The following EDAR variants were observed in gnomAD, a reference collection of about 807,000 sequenced individuals.
The protein encoded by EDAR is tumor necrosis factor receptor superfamily member EDAR.
In EDAR, 38 loss-of-function variants were observed where a neutral mutation model predicts 51.3. That is an observed-to-expected ratio of 0.74 (90% CI 0.57 to 0.97). The LOEUF (loss-of-function observed/expected upper bound fraction) is 0.97, where lower values mean the gene tolerates loss of function less well. EDAR is among the 50% of genes least tolerant of loss of function. The probability of loss-of-function intolerance (pLI) is 0.00; values close to 1 mark genes in which losing one functional copy is unlikely to be tolerated. For missense variants in EDAR, 528 were observed against 595.0 expected (o/e 0.89, Z 1.17); for synonymous variants, 227 against 242.1 (o/e 0.94, Z 0.58).
At chr2:108,963,282 C>A (rs260690) in intron 1 of EDAR, among the ~76,000 whole-genome samples, 111,102 of 152,108 alleles carry the variant, frequency 0.73, 45,438 homozygotes, top group Non-Finnish European at 0.94. Flanking sequence ...ACGCACTACA[C>A]ACTGTTAAAC....
intron 1 of EDAR, among the ~76,000 whole-genome samples, chr2:108,988,074 G>A (rs185961884): frequency 2.1e-4 from 32 of 152,302 alleles, no homozygotes; most frequent in Admixed American, 2.0e-3. Flanking sequence ...TGGTGCTCCT[G>A]TCTCTCCGTA....
intron 11 of EDAR, 80 bp downstream of exon 11, chr2:108,906,228 A>G: frequency 6.8e-7 from 1 of 1,474,962 alleles, no homozygotes; most frequent in Admixed American, 1.7e-5. Flanking sequence ...TTCCCCTCAC[A>G]GGAGCCTCAG....
At chr2:108,920,394 C>T (rs188550969) in intron 5 of EDAR, among the ~76,000 whole-genome samples, 93 of 152,310 alleles carry the variant, frequency 6.1e-4, no homozygotes, top group African/African-American at 2.2e-3. Context: ...ACCTCCCTGC[C>T]CCCACTGTCA....
chr2:108,921,377 G>A (rs896669003), intron 5 of EDAR, among the ~76,000 whole-genome samples: 1 of 152,178 alleles, frequency 6.6e-6, no homozygotes, highest in African/African-American at 2.4e-5. Context: ...ACGGTGGTTT[G>A]CGTAATCCAC....
intron 1 of EDAR, among the ~76,000 whole-genome samples, chr2:108,956,478 G>A (rs1014499333): frequency 6.6e-6 from 1 of 152,200 alleles, no homozygotes; most frequent in Non-Finnish European, 1.5e-5. Flanking sequence ...AGTCTCTCAC[G>A]TCAGCAGGTT....
chr2:108,934,709 G>A (rs574442971), intron 1 of EDAR, among the ~76,000 whole-genome samples: 27 of 152,240 alleles, frequency 1.8e-4, no homozygotes, highest in Non-Finnish European at 4.0e-4. Flanking sequence ...GTTATAACCA[G>A]CCCACTCTCG....
chr2:108,973,446 C>G (rs935634740), intron 1 of EDAR, among the ~76,000 whole-genome samples: 11 of 152,222 alleles, frequency 7.2e-5, no homozygotes, highest in African/African-American at 2.7e-4. Context: ...TGCTGGCTGC[C>G]TCCTGCCTTC....
chr2:108,926,233 C>T (rs952046786), intron 4 of EDAR, among the ~76,000 whole-genome samples: 4 of 152,134 alleles, frequency 2.6e-5, no homozygotes, highest in Non-Finnish European at 5.9e-5. Flanking sequence ...ACAGAGTGTC[C>T]GGTCCCTTCG....
intron 9 of EDAR, 132 bp from the exon 10 acceptor site, chr2:108,908,151 A>T: frequency 9.8e-7 from 1 of 1,018,162 alleles, no homozygotes; most frequent in Non-Finnish European, 1.4e-6. Context: ...TCAGGTGTTT[A>T]CTGGGCACCT....
intron 4 of EDAR, 134 bp downstream of exon 4, chr2:108,929,064 G>C (rs1697311973): frequency 1.9e-6 from 2 of 1,048,860 alleles, no homozygotes; most frequent in Admixed American, 4.0e-5. Flanking sequence ...TTGTGGGATG[G>C]GACCAAGGCC....
chr2:108,985,038 G>A (rs1167631121), intron 1 of EDAR, among the ~76,000 whole-genome samples: 1 of 152,188 alleles, frequency 6.6e-6, no homozygotes, highest in African/African-American at 2.4e-5. Flanking sequence ...TTTGCTTGCA[G>A]TCTGGTTTTG....
At chr2:108,912,831 G>C in intron 5 of EDAR, 67 bp from the exon 6 acceptor site, 1 of 1,327,386 alleles carries the variant, frequency 7.5e-7, no homozygotes, top group Non-Finnish European at 1.1e-6. Flanking sequence ...CTGCCACAGA[G>C]CTCATGGATC....
rs767895024 is a variant in EDAR at position 108,908,058 on chromosome 2, G to C, written c.804-39C>G. On this transcript the variant is annotated intron_variant, in intron 9 of 11. Transcript: ENST00000258443. ...AGCGATGGTCATTAGCAGTGCCTGG[G>C]GGGGCTGCAGCCCTGACAAGTTCTC... The C allele has an allele frequency of 1.6e-5, 25 of 1,571,480 alleles. No homozygotes were observed. The Admixed American group carries it at 3.0e-4, about 19-fold the overall frequency.
At chr2:108,903,278 C>T (rs1455527587) in intron 11 of EDAR, among the ~76,000 whole-genome samples, 3 of 152,068 alleles carry the variant, frequency 2.0e-5, no homozygotes, top group Admixed American at 2.0e-4. Context: ...ATGCCCATGG[C>T]TCAGAAGACT....
intron 1 of EDAR, among the ~76,000 whole-genome samples, chr2:108,963,489 A>T (rs1298992994): frequency 6.6e-6 from 1 of 152,168 alleles, no homozygotes; most frequent in Non-Finnish European, 1.5e-5. Context: ...ATACAGAGAG[A>T]TCCCATGTCC....
chr2:108,899,396 T>G (rs769942386), intron 11 of EDAR, among the ~76,000 whole-genome samples: 1 of 152,198 alleles, frequency 6.6e-6, no homozygotes, highest in African/African-American at 2.4e-5. Flanking sequence ...AAGTTAAGAA[T>G]TTTTCACCAG....
intron 1 of EDAR, among the ~76,000 whole-genome samples, chr2:108,949,882 C>A (rs560717086): frequency 6.6e-6 from 1 of 152,182 alleles, no homozygotes; most frequent in Admixed American, 6.5e-5. Context: ...AGTAATATGT[C>A]CCTTCCAAAT....
At chr2:108,979,464 C>CTG (rs1310577476) in intron 1 of EDAR, among the ~76,000 whole-genome samples, 2 of 139,678 alleles carry the variant, frequency 1.4e-5, no homozygotes, top group Non-Finnish European at 1.5e-5. Flanking sequence ...GTCTCTCTCT[C>CTG]TCTCACACAC....
chr2:108,947,211 C>A (rs1194288309), intron 1 of EDAR, among the ~76,000 whole-genome samples: 1 of 152,236 alleles, frequency 6.6e-6, no homozygotes, highest in Non-Finnish European at 1.5e-5. Context: ...TGTCTCACAT[C>A]CAGGGCATGC....
Sources: allele counts gnomAD v4.1 joint callset (sites outside exome capture counted in the v4.1 genomes callset), GRCh38; gene constraint gnomAD v4.1.1; transcripts MANE v1.5; gene names NCBI Gene and HGNC (gene_info 2026-07-23, HGNC 2026-07-21).